The following IDE variants were observed in gnomAD, a reference collection of about 807,000 sequenced individuals.
IDE encodes insulin degrading enzyme, also known as insulin-degrading enzyme.
IDE carries 58 observed loss-of-function variants against 133.2 expected under a neutral mutation model. The ratio of observed to expected loss-of-function variants is 0.44; its 90% CI spans 0.35 to 0.54. The LOEUF (loss-of-function observed/expected upper bound fraction) is 0.54. Ranked by LOEUF, IDE falls within the 20% of genes least tolerant of loss-of-function variation. IDE has a pLI of 0.00. For synonymous variants in IDE, 396 were observed against 421.3 expected, an observed-to-expected ratio of 0.94 and a Z score of 0.73; for missense variants, 981 against 1,234.0, an observed-to-expected ratio of 0.79 and a Z score of 3.07.
intron 15 of IDE, among the ~76,000 whole-genome samples, chr10:92,478,026 T>C (rs953359717): frequency 1.3e-5 from 2 of 152,202 alleles, no homozygotes; most frequent in Non-Finnish European, 2.9e-5. Context: ...TTTACTAAAA[T>C]ATGCAATATA....
At chr10:92,478,630 T>C in intron 15 of IDE, 1 of 1,176,036 alleles carries the variant, frequency 8.5e-7, no homozygotes, top group Non-Finnish European at 1.1e-6. Flanking sequence ...TTTCTTTGGT[T>C]TTCATTTTAC....
intron 1 of IDE, among the ~76,000 whole-genome samples, chr10:92,562,034 T>C (rs1843308446): frequency 6.6e-6 from 1 of 152,156 alleles, no homozygotes; most frequent in Admixed American, 6.6e-5. Context: ...TAAGAAGGAA[T>C]GCATGCCCCT....
At chr10:92,462,508 C>T (rs537269996) in intron 21 of IDE, among the ~76,000 whole-genome samples, 1 of 152,118 alleles carries the variant, frequency 6.6e-6, no homozygotes, top group South Asian at 2.1e-4. Context: ...ACTTGGGAGG[C>T]TGAGGCAGAA....
chr10:92,520,881 G>GTA (rs1849186985), intron 4 of IDE, among the ~76,000 whole-genome samples: 1 of 152,182 alleles, frequency 6.6e-6, no homozygotes, highest in African/African-American at 2.4e-5. Context: ...AAAAAAGATA[G>GTA]TAACAAAATC....
chr10:92,536,933 G>A (rs1466183957), intron 2 of IDE, among the ~76,000 whole-genome samples: 4 of 151,546 alleles, frequency 2.6e-5, no homozygotes, highest in Non-Finnish European at 4.4e-5. Context: ...AGCTACTCAG[G>A]AGGCTGAGGC....
At chr10:92,498,524 G>A (rs1847840885) in intron 11 of IDE, among the ~76,000 whole-genome samples, 1 of 152,174 alleles carries the variant, frequency 6.6e-6, no homozygotes, top group South Asian at 2.1e-4. Flanking sequence ...GGGAGGCCGA[G>A]GCAGGTGGAT....
chr10:92,534,529 A>G, intron 3 of IDE, 49 bp downstream of exon 3: 1 of 962,734 alleles, frequency 1.0e-6, no homozygotes, highest in Non-Finnish European at 1.6e-6. Flanking sequence ...ATTATTATTA[A>G]TGTGATAAGT....
Position 92,510,133 on chromosome 10 carries a change from C to G in IDE, c.814G>C (p.Val272Leu). ...ESLDDLTNLV[V>L]KLFSEVENKN... ...TTCTCTACTTCAGAAAATAACTTTA[C>G]CACCAGATTAGTCAAGTCATCTAAA... is the stretch of plus-strand genomic sequence containing the variant. Residue 272 changes from valine to leucine, a missense_variant, in exon 6 of 25, where the codon GTA becomes CTA. Physicochemically the swap from Val to Leu is conservative, Grantham distance 32. Around this residue, in one of 2 missense-constraint regions of IDE, gnomAD observed 321 missense variants for 339.3 expected, o/e 0.95. Transcript: ENST00000265986. The G allele has an allele frequency of 6.3e-7, 1 of 1,594,072 alleles. No homozygotes were observed. Among genetic ancestry groups the G allele is most frequent in the Non-Finnish European group, 8.6e-7 (1 of 1,163,998 alleles).
intron 5 of IDE, among the ~76,000 whole-genome samples, chr10:92,512,427 T>G (rs1374027013): frequency 6.6e-6 from 1 of 152,186 alleles, no homozygotes; most frequent in Non-Finnish European, 1.5e-5. Context: ...TTTTAGATTC[T>G]TATTCTGTCA....
intron 11 of IDE, among the ~76,000 whole-genome samples, chr10:92,502,217 A>C (rs1435790300): frequency 6.6e-6 from 1 of 152,224 alleles, no homozygotes; most frequent in African/African-American, 2.4e-5. Context: ...TCTATGAATC[A>C]GATTGGAGAG....
At chr10:92,491,915 A>G (rs1342393477) in intron 11 of IDE, among the ~76,000 whole-genome samples, 1 of 152,032 alleles carries the variant, frequency 6.6e-6, no homozygotes, top group Non-Finnish European at 1.5e-5. Context: ...CCAGCCTAAA[A>G]GCTTTTTTTG....
At chr10:92,470,048 A>C (rs1201604494) in intron 18 of IDE, among the ~76,000 whole-genome samples, 2 of 152,170 alleles carry the variant, frequency 1.3e-5, no homozygotes, top group African/African-American at 4.8e-5. Flanking sequence ...ACAGCAGAGG[A>C]GGCAGCCATG....
chr10:92,491,097 G>A (rs1847312587), intron 11 of IDE, among the ~76,000 whole-genome samples: 1 of 151,926 alleles, frequency 6.6e-6, no homozygotes, highest in Non-Finnish European at 1.5e-5. Flanking sequence ...AATTAACCAG[G>A]TGGGGTGGCA....
chr10:92,525,206 T>C (rs1213992504), intron 4 of IDE, among the ~76,000 whole-genome samples: 1 of 152,086 alleles, frequency 6.6e-6, no homozygotes, highest in Non-Finnish European at 1.5e-5. Flanking sequence ...TAAGCCGAGA[T>C]TGCACCATTG....
chr10:92,524,470 ATATAT>A (rs1849482084), intron 4 of IDE, among the ~76,000 whole-genome samples: 2 of 49,082 alleles, frequency 4.1e-5, no homozygotes, highest in African/African-American at 1.8e-4. Flanking sequence ...ATTTTATATA[ATATAT>A]AATATATATT....
chr10:92,507,483 A>G, intron 9 of IDE, 92 bp downstream of exon 9: 1 of 768,896 alleles, frequency 1.3e-6, no homozygotes, highest in Non-Finnish European at 2.3e-6. Flanking sequence ...AAACTTTAAA[A>G]GTTTAACTGG....
chr10:92,541,894 T>G (rs944615819), intron 1 of IDE, among the ~76,000 whole-genome samples: 5 of 152,150 alleles, frequency 3.3e-5, no homozygotes, highest in Admixed American at 6.6e-5. Context: ...CCAGGTGGGC[T>G]AGATCCCCTC....
At chr10:92,515,711 C>T (rs1848883098) in intron 4 of IDE, among the ~76,000 whole-genome samples, 1 of 150,694 alleles carries the variant, frequency 6.6e-6, no homozygotes, top group East Asian at 2.0e-4. Context: ...CAGGCATGCG[C>T]CACCACGCCC....
rs931061772 is a variant in IDE, at chr10:92,573,785, G to A, written c.98+137C>T. The A allele has an allele frequency of 4.8e-6, 3 of 628,532 alleles. No homozygotes were observed. In the African/African-American group the frequency reaches 5.9e-5, roughly 12 times the overall value. The allele number at this position is 628,532 out of a possible 1,614,324, so 38.9% of individuals were successfully genotyped here. On this transcript the variant is annotated intron_variant, in intron 1 of 24. Coordinates refer to ENST00000265986, the MANE Select transcript of IDE (RefSeq NM_004969.4). ...TGGGGCGGCCTCAGCGCGGCAGTAC[G>A]GGCCCCAGGCCGGCGGGACGGGCGG... is the stretch of plus-strand genomic sequence containing the variant.
Sources: allele counts gnomAD v4.1 joint callset (sites outside exome capture counted in the v4.1 genomes callset), GRCh38; gene constraint gnomAD v4.1.1; regional missense constraint gnomAD v4.1.1; transcripts MANE v1.5; gene names NCBI Gene and HGNC (gene_info 2026-07-23, HGNC 2026-07-21).